HERC1: variants seen among roughly 807,000 people sequenced by gnomAD.
The protein encoded by HERC1 is HECT and RLD domain containing E3 ubiquitin protein ligase family member 1.
HERC1 carries 160 observed loss-of-function variants against 554.3 expected under a neutral mutation model. That is an observed-to-expected ratio of 0.29 (90% CI 0.25 to 0.33). The LOEUF is 0.33. HERC1 is among the 10% of genes least tolerant of loss of function. HERC1 has a pLI of 1.00. For synonymous variants in HERC1, 2,175 were observed against 2,131.7 expected (o/e 1.02, Z -0.56); for missense variants, 4,919 against 5,918.5 (o/e 0.83, Z 5.54).
At chr15:63,723,878 T>TA (rs2073927950) in intron 18 of HERC1, among the ~76,000 whole-genome samples, 1 of 152,230 alleles carries the variant, frequency 6.6e-6, no homozygotes, top group Admixed American at 6.5e-5. Flanking sequence ...AGGTGGTTCC[T>TA]AACTTTTCAG....
At chr15:63,709,076 G>A (rs756171697) in intron 24 of HERC1, among the ~76,000 whole-genome samples, 6 of 152,024 alleles carry the variant, frequency 3.9e-5, no homozygotes, top group Non-Finnish European at 8.8e-5. Context: ...TATAACCTCC[G>A]CCTCCCAGAT....
chr15:63,689,744 TTAAG>T, intron 32 of HERC1, 45 bp from the exon 33 acceptor site: 2 of 1,149,430 alleles, frequency 1.7e-6, no homozygotes, highest in African/African-American at 1.6e-5. Flanking sequence ...AAAAGTAACT[TTAAG>T]TATTTTTAGA....
chr15:63,695,810 A>G (rs1295895456), intron 27 of HERC1, among the ~76,000 whole-genome samples: 1 of 152,226 alleles, frequency 6.6e-6, no homozygotes, highest in East Asian at 1.9e-4. Flanking sequence ...GATCAAATCT[A>G]AAACGTAAGC....
At position 63,747,871 on chromosome 15, in the gene HERC1, A is replaced by C; in HGVS notation, c.2220-13T>G. 6.5e-7 allele frequency: 1 copy of C among 1,528,190 alleles called. No individual in the cohort carries two copies. The highest frequency in any genetic ancestry group is 8.8e-7 in the Non-Finnish European group (1 of 1,138,384). 94.7% of individuals were successfully genotyped at this position (1,528,190 alleles called of 1,614,324 possible). On this transcript the variant is annotated splice_polypyrimidine_tract_variant and intron_variant, in intron 10 of 77. Transcript: ENST00000443617. ...TGCAACAACTTGTCTAGAAGGACAC[A>C]TAAGAAAATAATAAAACAGTCTTAA...
chr15:63,660,153 C>T (rs2070275795), intron 46 of HERC1, among the ~76,000 whole-genome samples: 1 of 151,854 alleles, frequency 6.6e-6, no homozygotes, highest in Admixed American at 6.6e-5. Flanking sequence ...ACCCCATCCC[C>T]ACCAAAAAAT....
chr15:63,639,876 C>T (rs2068957431), intron 61 of HERC1, among the ~76,000 whole-genome samples: 1 of 152,076 alleles, frequency 6.6e-6, no homozygotes, highest in Admixed American at 6.6e-5. Context: ...TAACAAAGTA[C>T]CTATGGACAA....
intron 8 of HERC1, among the ~76,000 whole-genome samples, chr15:63,750,439 G>C (rs2075197155): frequency 6.6e-6 from 1 of 152,102 alleles, no homozygotes; most frequent in African/African-American, 2.4e-5. Flanking sequence ...ATAGGTGACT[G>C]ACTGACAATT....
Position 63,734,591 on chromosome 15 carries a change from C to CCCT in HERC1, c.2646+132_2646+133insAGG, listed in dbSNP as rs1334900178. ...AAGGTTGTTAAGACAACTGGGAATT[C>CCCT]TTCCAGCACAACACATTAACCCATC... On this transcript the variant is annotated intron_variant, in intron 13 of 77. Coordinates refer to ENST00000443617, the MANE Select transcript of HERC1 (RefSeq NM_003922.4). This position sits in a 1 kb window ranked among gnomAD's most constrained non-coding sequence, Gnocchi z 4.6. 7 of 640,564 alleles carry CCCT rather than the reference C, an allele frequency of 1.1e-5. No individual in the cohort carries two copies. Among genetic ancestry groups the CCCT allele is most frequent in the Non-Finnish European group, 1.5e-5 (6 of 405,558 alleles). 39.7% of individuals were successfully genotyped at this position (640,564 alleles called of 1,614,324 possible). A position where few individuals can be genotyped will look rare whatever the true frequency, so the allele number is the denominator to read the frequency against.
At chr15:63,832,070 T>A (rs1042546321) in intron 1 of HERC1, among the ~76,000 whole-genome samples, 1 of 152,240 alleles carries the variant, frequency 6.6e-6, no homozygotes, top group African/African-American at 2.4e-5. Flanking sequence ...CAACCCCAGA[T>A]GACAATCTAT....
chr15:63,753,578 C>A (rs1031026528), intron 7 of HERC1, among the ~76,000 whole-genome samples: 1 of 151,672 alleles, frequency 6.6e-6, no homozygotes, highest in Admixed American at 6.6e-5. Context: ...TCCAACCACA[C>A]CAGGAATAAA....
chr15:63,752,856 A>G, intron 8 of HERC1, 102 bp downstream of exon 8: 2 of 1,117,638 alleles, frequency 1.8e-6, no homozygotes, highest in Non-Finnish European at 2.5e-6. Flanking sequence ...TTGCCTAAAA[A>G]TGTATTTATT....
chr15:63,700,854 T>C (rs1304278206), intron 25 of HERC1, among the ~76,000 whole-genome samples: 1 of 151,714 alleles, frequency 6.6e-6, no homozygotes, highest in East Asian at 1.9e-4. Context: ...AATAATATCA[T>C]AGATGCATAA....
rs1484488638 is a variant in HERC1 at position 63,663,112 on chromosome 15, T to G, written c.8773A>C (p.Asn2925His). 1.7e-5 allele frequency: 27 copies of G among 1,613,964 alleles called. No individual in the cohort carries two copies. The highest frequency in any genetic ancestry group is 2.2e-5 in the Non-Finnish European group (26 of 1,179,862). ...QQDPGALYDF[N>H]LDEELEIDLD... ...TCAATTTCCAATTCCTCATCTAAAT[T>G]AAAGTCATACAACGCCCCTGGGTCT... Residue 2925 changes from asparagine to histidine, a missense_variant, in exon 44 of 78, where the codon AAT (asparagine) becomes CAT (histidine). Physicochemically the swap from Asn to His is moderately conservative, Grantham distance 68. This residue lies in a region of HERC1 where 1,963 missense variants were observed against 2,228.6 expected (regional missense o/e 0.88). Transcript: ENST00000443617.
intron 54 of HERC1, among the ~76,000 whole-genome samples, chr15:63,648,539 G>A (rs867107327): frequency 6.6e-6 from 1 of 152,146 alleles, no homozygotes; most frequent in Non-Finnish European, 1.5e-5. Flanking sequence ...CCATGAAACT[G>A]AGAAGTGAAA....
rs1437566132 is a variant in HERC1, at chr15:63,656,537, A to G, written c.9600-179T>C. Among the ~76,000 whole-genome samples the G allele has an allele frequency of 5.3e-5, 8 of 152,352 alleles. No individual in the cohort carries two copies. The South Asian group carries it at 1.0e-3, about 20-fold the overall frequency. On this transcript the variant is annotated intron_variant, in intron 48 of 77. Coordinates refer to ENST00000443617, the MANE Select transcript of HERC1 (RefSeq NM_003922.4). ...TATCAAGCTGGAAACTGGCATCTAA[A>G]CGTTCTCTCCTTTTAATAAGTATTG...
intron 24 of HERC1, among the ~76,000 whole-genome samples, chr15:63,707,160 T>C (rs988061202): frequency 2.6e-5 from 4 of 152,224 alleles, no homozygotes; most frequent in African/African-American, 9.6e-5. Context: ...ACCTTCCGGA[T>C]GCCTAAAGCC....
rs1199673037 is a variant in HERC1, at chr15:63,727,621, T to C, written c.3346+26A>G. ...GGAACAACTTTTCTCAAAGGCATTA[T>C]TTGCTCTTTTATTGTCTTTACTTAC... On this transcript the variant is annotated intron_variant, in intron 17 of 77. Transcript: ENST00000443617. This position sits in a 1 kb window ranked among gnomAD's most constrained non-coding sequence, Gnocchi z 4.3. 1.3e-6 allele frequency: 2 copies of C among 1,558,900 alleles called. No individual in the cohort carries two copies. Among genetic ancestry groups the C allele is most frequent in the African/African-American group, 1.4e-5 (1 of 73,632 alleles).
At chr15:63,755,804 G>A (rs770574889) in intron 5 of HERC1, among the ~76,000 whole-genome samples, 126 of 151,954 alleles carry the variant, frequency 8.3e-4, no homozygotes, top group Non-Finnish European at 1.6e-3. Flanking sequence ...GAAAAGAGAG[G>A]AAGAGAGAGG....
chr15:63,706,048 A>C (rs1596023193), intron 25 of HERC1, among the ~76,000 whole-genome samples: 1 of 151,166 alleles, frequency 6.6e-6, no homozygotes, highest in East Asian at 1.9e-4. Flanking sequence ...AAAAAAAAAA[A>C]AAAAGCAGCA....
Sources: gnomAD v4.1 joint callset for allele counts (sites outside exome capture counted in the v4.1 genomes callset) on GRCh38, gnomAD v4.1.1 for gene constraint, gnomAD v4.1.1 regional missense constraint, Gnocchi (gnomAD v3.1) non-coding constraint, MANE v1.5 for transcripts, NCBI Gene and HGNC (gene_info 2026-07-23, HGNC 2026-07-21) for gene names.